The following SLC4A1AP variants were observed in gnomAD, a reference collection of about 807,000 sequenced individuals.
SLC4A1AP encodes the protein solute carrier family 4 member 1 adaptor protein.
In SLC4A1AP, 64 loss-of-function variants were observed where a neutral mutation model predicts 89.7. That is an observed-to-expected ratio of 0.71 (90% CI 0.58 to 0.88). The LOEUF (loss-of-function observed/expected upper bound fraction) is 0.88, where lower values mean the gene tolerates loss of function less well. Among genes scored for constraint, SLC4A1AP ranks in the 40% least tolerant of loss-of-function variants. SLC4A1AP has a pLI of 0.00. For missense variants in SLC4A1AP, 931 were observed against 965.0 expected, an observed-to-expected ratio of 0.96 and a Z score of 0.47; for synonymous variants, 366 against 353.3, an observed-to-expected ratio of 1.04 and a Z score of -0.40.
exon 1 of SLC4A1AP, chr2:27,664,436 G>T (rs150816677): frequency 1.5e-5 from 24 of 1,614,126 alleles, no homozygotes; most frequent in Non-Finnish European, 2.0e-5. Context: ...ACAGCAACGG[G>T]CCGGGCTTCT....
chr2:27,687,302 G>T (rs1168046110), intron 10 of SLC4A1AP, among the ~76,000 whole-genome samples: 1 of 152,040 alleles, frequency 6.6e-6, no homozygotes, highest in East Asian at 1.9e-4. Flanking sequence ...AAATTTTGGG[G>T]CTAGGCTGGG....
At chr2:27,693,786 G>T (rs781054705) in intron 13 of SLC4A1AP, 32 bp downstream of exon 13, 23 of 1,532,222 alleles carry the variant, frequency 1.5e-5, no homozygotes, top group East Asian at 2.3e-5. Context: ...TTCCTCTAAG[G>T]TTCATTTATT....
In SLC4A1AP at chr2:27,693,682, T is replaced by C. The variant is rs529164803; in HGVS notation, c.2272-3T>C. 2 of 1,595,390 alleles carry C rather than the reference T, an allele frequency of 1.3e-6. No homozygotes were observed. Among genetic ancestry groups the C allele is most frequent in the Non-Finnish European group, 1.7e-6 (2 of 1,168,358 alleles). ...AATAAAACAATCCATCTTTTCTTTT[T>C]AGCTTCCACCAACACTTTCTTCCAA... On this transcript the variant is annotated splice_polypyrimidine_tract_variant and splice_region_variant and intron_variant, in intron 12 of 13. Transcript: ENST00000613058.
chr2:27,671,915 A>G (rs1675432616), intron 5 of SLC4A1AP, among the ~76,000 whole-genome samples: 1 of 152,204 alleles, frequency 6.6e-6, no homozygotes, highest in South Asian at 2.1e-4. Flanking sequence ...AAATATAATT[A>G]TTGTAGCTTC....
chr2:27,679,696 C>T, intron 8 of SLC4A1AP, among the ~76,000 whole-genome samples: 1 of 151,988 alleles, frequency 6.6e-6, no homozygotes, highest in Admixed American at 6.6e-5. Context: ...GAAACACTAT[C>T]AAGATAAGTA....
chr2:27,670,283 C>T (rs1675400532), intron 5 of SLC4A1AP, among the ~76,000 whole-genome samples: 1 of 152,144 alleles, frequency 6.6e-6, no homozygotes, highest in Non-Finnish European at 1.5e-5. Context: ...CAGGCATGAG[C>T]CACTGCGCCT....
intron 2 of SLC4A1AP, among the ~76,000 whole-genome samples, chr2:27,665,649 C>T (rs1210273578): frequency 6.6e-6 from 1 of 152,146 alleles, no homozygotes; most frequent in Admixed American, 6.5e-5. Context: ...TCTATTCAAT[C>T]AAATAAATGG....
At chr2:27,679,583 C>T (rs935181793) in intron 8 of SLC4A1AP, among the ~76,000 whole-genome samples, 2 of 151,950 alleles carry the variant, frequency 1.3e-5, no homozygotes, top group African/African-American at 4.8e-5. Flanking sequence ...GCCTGGGCGA[C>T]AGAGCGAGAC....
chr2:27,688,720 A>G, exon 12 of SLC4A1AP: 1 of 1,603,690 alleles, frequency 6.2e-7, no homozygotes. Flanking sequence ...TGAATATGAG[A>G]AAAGCAGAGG....
chr2:27,669,157 A>T (rs1038839164), intron 4 of SLC4A1AP, 91 bp from the exon 5 acceptor site: 134 of 1,345,340 alleles, frequency 1.0e-4, no homozygotes, highest in Non-Finnish European at 8.5e-5. Context: ...AGGCCATCTA[A>T]AAAAAAAATG....
At chr2:27,685,228 A>G in exon 10 of SLC4A1AP, 1 of 1,614,040 alleles carries the variant, frequency 6.2e-7, no homozygotes, top group Non-Finnish European at 8.5e-7. Flanking sequence ...CAGTGCAGGA[A>G]ATGAGGCCTC....
At chr2:27,665,180 G>T (rs772477961) in exon 2 of SLC4A1AP, 11 of 1,613,868 alleles carry the variant, frequency 6.8e-6, no homozygotes, top group Non-Finnish European at 9.3e-6. Context: ...AGCAAATATT[G>T]TTGGAGAAGA....
intron 8 of SLC4A1AP, among the ~76,000 whole-genome samples, chr2:27,681,404 A>C (rs1264345450): frequency 5.3e-5 from 8 of 152,186 alleles, no homozygotes; most frequent in Non-Finnish European, 2.9e-5. Flanking sequence ...GGTAGCTAAC[A>C]TCTGGTATGG....
chr2:27,688,316 C>T (rs1244319659), intron 11 of SLC4A1AP, among the ~76,000 whole-genome samples: 2 of 152,164 alleles, frequency 1.3e-5, no homozygotes, highest in Non-Finnish European at 2.9e-5. Context: ...TTTACATCTC[C>T]CAAAGTCAAA....
Position 27,688,770 on chromosome 2 carries a change from A to C in SLC4A1AP, c.2271+3A>C. ...AGAAAACACCTGGTCCAGGCAAAGT[A>C]AGTATTTCACTTGTCTGGGAGTAAA... is the stretch of plus-strand genomic sequence containing the variant. On this transcript the variant is annotated splice_donor_region_variant and intron_variant, in intron 12 of 13. Coordinates refer to ENST00000613058, the Ensembl canonical transcript of SLC4A1AP. The C allele has an allele frequency of 6.3e-7, 1 of 1,597,826 alleles. No homozygotes were observed. Among genetic ancestry groups the C allele is most frequent in the Non-Finnish European group, 8.5e-7 (1 of 1,173,828 alleles).
At chr2:27,683,957 C>A (rs868422561) in intron 9 of SLC4A1AP, among the ~76,000 whole-genome samples, 2 of 151,910 alleles carry the variant, frequency 1.3e-5, no homozygotes, top group Non-Finnish European at 2.9e-5. Context: ...AGACTGGTCT[C>A]GAACTCCTGA....
At chr2:27,673,813 T>G (rs949963269) in intron 5 of SLC4A1AP, among the ~76,000 whole-genome samples, 1 of 152,136 alleles carries the variant, frequency 6.6e-6, no homozygotes. Context: ...TTGCAAATAA[T>G]AGAAGTCCAA....
chr2:27,669,557 C>T (rs1675388059), intron 5 of SLC4A1AP, among the ~76,000 whole-genome samples, 170 bp downstream of exon 5: 1 of 152,170 alleles, frequency 6.6e-6, no homozygotes, highest in African/African-American at 2.4e-5. Flanking sequence ...TTCTCCCAGA[C>T]ATTTTCTATG....
At chr2:27,663,952 C>T (rs1405788095) in exon 1 of SLC4A1AP, 2 of 1,614,208 alleles carry the variant, frequency 1.2e-6, no homozygotes, top group Non-Finnish European at 1.7e-6. Flanking sequence ...ACCCTGGCGT[C>T]GCAAGACCTC....
Sources: gnomAD v4.1 joint callset for allele counts (sites outside exome capture counted in the v4.1 genomes callset) on GRCh38, gnomAD v4.1.1 for gene constraint, MANE v1.5 for transcripts, NCBI Gene and HGNC (gene_info 2026-07-23, HGNC 2026-07-21) for gene names.